The following TASP1 variants were observed in gnomAD, a reference collection of about 807,000 sequenced individuals.
TASP1 encodes taspase 1.
Under a neutral mutation model 56.6 loss-of-function variants are expected in TASP1, and 16 were observed. That is an observed-to-expected ratio of 0.28 (90% confidence interval 0.19 to 0.43). TASP1 has a LOEUF of 0.43. Ranked by LOEUF, TASP1 falls within the 20% of genes least tolerant of loss-of-function variation. The pLI is 1.00. For missense variants in TASP1, 393 were observed against 511.6 expected, an observed-to-expected ratio of 0.77 and a Z score of 2.24; for synonymous variants, 179 against 184.2, an observed-to-expected ratio of 0.97 and a Z score of 0.23.
the TASP1 span, among the ~76,000 whole-genome samples, chr20:13,364,900 C>A: frequency 6.6e-6 from 1 of 152,104 alleles, no homozygotes; most frequent in African/African-American, 2.4e-5. Context: ...GCTACAGCCA[C>A]GAATATGCTC....
At chr20:13,582,123 CA>C (rs773253001) in intron 5 of TASP1, among the ~76,000 whole-genome samples, 7,417 of 78,904 alleles carry the variant, frequency 0.094, 331 homozygotes, top group African/African-American at 0.19. Context: ...GTATGAAATA[CA>C]AAAAAAAAAA....
At chr20:13,400,213 G>C (rs565071516) in intron 13 of TASP1, among the ~76,000 whole-genome samples, 8 of 152,132 alleles carry the variant, frequency 5.3e-5, no homozygotes, top group Non-Finnish European at 8.8e-5. Context: ...CCTCAATATA[G>C]AAGGCACTCA....
chr20:13,367,150 C>T, the TASP1 span, among the ~76,000 whole-genome samples: 6 of 152,140 alleles, frequency 3.9e-5, no homozygotes, highest in Admixed American at 3.3e-4. Context: ...AAGACCCTCC[C>T]GATTTTATAT....
At chr20:13,398,749 T>C (rs547716112) in intron 13 of TASP1, among the ~76,000 whole-genome samples, 4 of 152,350 alleles carry the variant, frequency 2.6e-5, no homozygotes, top group South Asian at 4.1e-4. Flanking sequence ...GAAAAATGTC[T>C]ATGAAGTGTT....
At chr20:13,299,070 G>A in the TASP1 span, 410 of 1,613,744 alleles carry the variant, frequency 2.5e-4, 3 homozygotes, top group East Asian at 8.8e-3. This position sits in a 1 kb window ranked among gnomAD's most constrained non-coding sequence, Gnocchi z 5.8. Context: ...CAGCACGGCC[G>A]ACATCTTCGA....
At chr20:13,260,887 A>T in the TASP1 span, among the ~76,000 whole-genome samples, 1,706 of 152,312 alleles carry the variant, frequency 0.011, 39 homozygotes, top group African/African-American at 0.039. Flanking sequence ...GGGGAGGCTC[A>T]GCCAGGGCTG....
intron 11 of TASP1, among the ~76,000 whole-genome samples, chr20:13,479,666 T>C (rs548958844): frequency 6.6e-6 from 1 of 152,240 alleles, no homozygotes; most frequent in South Asian, 2.1e-4. Context: ...AGCTAATATT[T>C]GTATTTTTAG....
intron 4 of TASP1, among the ~76,000 whole-genome samples, chr20:13,618,524 T>A (rs958568730): frequency 3.9e-5 from 6 of 152,220 alleles, no homozygotes; most frequent in Admixed American, 3.9e-4. Context: ...TACCAAAATA[T>A]CAGTCACCTG....
chr20:13,403,279 C>T (rs2041805397), intron 13 of TASP1, among the ~76,000 whole-genome samples: 1 of 152,120 alleles, frequency 6.6e-6, no homozygotes, highest in Non-Finnish European at 1.5e-5. Context: ...TAACCATTAC[C>T]ATTTCCACCA....
At chr20:13,221,710 TC>T in the TASP1 span, 2 of 1,278,768 alleles carry the variant, frequency 1.6e-6, no homozygotes, top group Non-Finnish European at 9.9e-7. Context: ...CTACTCCTCC[TC>T]CCCCGGCGTC....
At chr20:13,155,382 C>T in the TASP1 span, among the ~76,000 whole-genome samples, 1 of 152,118 alleles carries the variant, frequency 6.6e-6, no homozygotes, top group African/African-American at 2.4e-5. Flanking sequence ...TGGCAGAGTA[C>T]TTGAAGTATT....
the TASP1 span, chr20:13,153,931 G>C: frequency 6.3e-7 from 1 of 1,577,220 alleles, no homozygotes; most frequent in Non-Finnish European, 8.6e-7. Flanking sequence ...AAAGATGCTT[G>C]CCAAGTTGAC....
chr20:13,595,987 C>A (rs1001514799), intron 4 of TASP1, among the ~76,000 whole-genome samples: 3 of 152,160 alleles, frequency 2.0e-5, no homozygotes, highest in Non-Finnish European at 4.4e-5. Flanking sequence ...TAAAGCACTC[C>A]TCAGCAAATG....
chr20:13,535,419 CT>C (rs1284266731), intron 8 of TASP1, among the ~76,000 whole-genome samples: 7 of 152,144 alleles, frequency 4.6e-5, no homozygotes, highest in Admixed American at 6.6e-5. Context: ...ATTTCTTGCT[CT>C]AAATTCTAAC....
chr20:13,545,342 G>A (rs1451840460), intron 8 of TASP1, among the ~76,000 whole-genome samples: 1 of 152,096 alleles, frequency 6.6e-6, no homozygotes, highest in Non-Finnish European at 1.5e-5. Context: ...ATTAATCTCA[G>A]TGATGTTTTC....
chr20:13,612,316 C>CA (rs777321178), intron 4 of TASP1, among the ~76,000 whole-genome samples: 1 of 152,048 alleles, frequency 6.6e-6, no homozygotes, highest in African/African-American at 2.4e-5. Flanking sequence ...GCTTTCTACT[C>CA]AGAGTCCACA....
At chr20:13,331,679 T>TTG in the TASP1 span, among the ~76,000 whole-genome samples, 1 of 151,354 alleles carries the variant, frequency 6.6e-6, no homozygotes, top group African/African-American at 2.4e-5. Flanking sequence ...GTGGCTTTTT[T>TTG]TTTTTTTTTC....
intron 13 of TASP1, among the ~76,000 whole-genome samples, chr20:13,401,545 A>G (rs1034923773): frequency 9.2e-5 from 14 of 152,228 alleles, no homozygotes; most frequent in Non-Finnish European, 1.3e-4. Flanking sequence ...AAGTTGTTAC[A>G]TCATAAAATC....
the TASP1 span, among the ~76,000 whole-genome samples, chr20:13,150,822 T>C: frequency 4.6e-5 from 7 of 152,348 alleles, no homozygotes; most frequent in Non-Finnish European, 1.5e-5. Context: ...ATTGCACCTG[T>C]TTCCTAAGCC....
Sources: allele counts gnomAD v4.1 joint callset (sites outside exome capture counted in the v4.1 genomes callset), GRCh38; gene constraint gnomAD v4.1.1; non-coding constraint Gnocchi (gnomAD v3.1); transcripts MANE v1.5; gene names NCBI Gene and HGNC (gene_info 2026-07-23, HGNC 2026-07-21).